DNAH8: variants seen among roughly 807,000 people sequenced by gnomAD.
The protein encoded by DNAH8 is axonemal beta dynein heavy chain 8.
Under a neutral mutation model 562.1 loss-of-function variants are expected in DNAH8, and 382 were observed. The ratio of observed to expected loss-of-function variants is 0.68; its 90% CI spans 0.63 to 0.74. The LOEUF is 0.74. Among genes scored for constraint, DNAH8 ranks in the 30% least tolerant of loss-of-function variants. The pLI is 0.00. For missense variants in DNAH8, 5,203 were observed against 5,620.4 expected (o/e 0.93, Z 2.37); for synonymous variants, 1,881 against 1,919.4 (o/e 0.98, Z 0.52).
Position 38,906,264 on chromosome 6 carries a change from G to A in DNAH8, c.9205G>A (p.Val3069Met), listed in dbSNP as rs1780471525. 3 of 1,589,774 alleles carry A rather than the reference G, an allele frequency of 1.9e-6. No homozygotes were observed. The highest frequency in any genetic ancestry group is 2.3e-5 in the South Asian group (2 of 88,644). ...FQITLTRSYN[V>M]TNLTDDLKAL... ...CATTTTTCTTCTTAGGTCTTACAAT[G>A]TGACTAATCTAACAGATGATTTAAA... Residue 3069 changes from valine (V) to methionine (M), a missense_variant, in exon 63 of 93, where the codon GTG (valine) becomes ATG (methionine). Transcript: ENST00000327475.
intron 1 of DNAH8, among the ~76,000 whole-genome samples, chr6:38,717,029 T>G (rs1762394083): frequency 6.6e-6 from 1 of 152,192 alleles, no homozygotes; most frequent in African/African-American, 2.4e-5. Flanking sequence ...AGATCCCATC[T>G]CTACAGAAAA....
rs763633800 is a variant in DNAH8 at position 38,894,781 on chromosome 6, G to C, written c.8664G>C (p.Leu2888Phe). The change falls in exon 59 of 93, where the codon TTG becomes TTC. Residue 2888 changes from leucine (L) to phenylalanine (F), a missense_variant. Leu to Phe is a conservative substitution (Grantham distance 22). Coordinates refer to ENST00000327475, the MANE Select transcript of DNAH8 (RefSeq NM_001206927.2). ...TTTCCAGAATTTGGCAAGGAATGTT[G>C]ACCATAAAAGCTGAGGAGTGCGCTT... ...RDLSRIWQGM[L>F]TIKAEECASI... 6 of 1,614,010 alleles carry C rather than the reference G, an allele frequency of 3.7e-6. No individual in the cohort carries two copies. Among genetic ancestry groups the C allele is most frequent in the Non-Finnish European group, 5.1e-6 (6 of 1,179,960 alleles).
intron 20 of DNAH8, among the ~76,000 whole-genome samples, chr6:38,790,673 A>G (rs994600487): frequency 6.6e-6 from 1 of 151,948 alleles, no homozygotes; most frequent in Non-Finnish European, 1.5e-5. Context: ...AAATACAAAA[A>G]TTAGCTGGAC....
At position 38,790,417 on chromosome 6, in the gene DNAH8, A is replaced by T. The variant is rs1213046989; in HGVS notation, c.2781+12A>T. Reference sequence around the variant, plus strand: ...AACTTTTAAAGAAGGTATGATCTATACATTTAAAAAGCTATCAACATATAT... The same window carrying T: ...AACTTTTAAAGAAGGTATGATCTATTCATTTAAAAAGCTATCAACATATAT... On this transcript the variant is annotated intron_variant, in intron 20 of 92. Transcript: ENST00000327475. 1 of 1,293,770 alleles carries T rather than the reference A, an allele frequency of 7.7e-7. No homozygotes were observed. The highest frequency in any genetic ancestry group is 1.5e-5 in the African/African-American group (1 of 66,802). 80.1% of individuals were successfully genotyped at this position (1,293,770 alleles called of 1,614,324 possible).
At chr6:38,753,082 C>G (rs77768580) in intron 9 of DNAH8, among the ~76,000 whole-genome samples, 3,411 of 152,118 alleles carry the variant, frequency 0.022, 131 homozygotes, top group African/African-American at 0.077. Context: ...ACACCTCTCT[C>G]CCTTCCTCCC....
intron 4 of DNAH8, among the ~76,000 whole-genome samples, chr6:38,732,800 G>A (rs1763756978): frequency 6.6e-6 from 1 of 152,146 alleles, no homozygotes. Flanking sequence ...GAATCACAGG[G>A]CAGGAGGAAT....
At chr6:38,781,230 T>C in intron 15 of DNAH8, 24 bp from the exon 16 acceptor site, 1 of 1,612,796 alleles carries the variant, frequency 6.2e-7, no homozygotes, top group African/African-American at 1.3e-5. Flanking sequence ...AATTCAAACA[T>C]TAACATCAGA....
chr6:38,757,131 C>T (rs1765992091), intron 10 of DNAH8, among the ~76,000 whole-genome samples: 1 of 151,960 alleles, frequency 6.6e-6, no homozygotes, highest in Non-Finnish European at 1.5e-5. Flanking sequence ...GTTTACAGTC[C>T]CACCAACAGT....
At position 38,729,952 on chromosome 6, in the gene DNAH8, AT is replaced by A; in HGVS notation, c.581del (p.Leu194CysfsTer25). 1.3e-6 allele frequency: 2 copies of A among 1,599,582 alleles called. No homozygotes were observed. Among genetic ancestry groups the A allele is most frequent in the South Asian group, 1.1e-5 (1 of 89,462 alleles). Reference sequence around the variant, plus strand: ...CGAAAGATGGTTGTAAGACACTGAAATTTTTGTACCAAGAAGGAGATGTACC... The same window carrying A: ...CGAAAGATGGTTGTAAGACACTGAAATTTTGTACCAAGAAGGAGATGTACC... ...FAKDGCKTLK[F>X]LYQEGDVPGI... is the part of the protein sequence containing the mutation. On this transcript the variant is annotated frameshift_variant, in exon 4 of 93. Transcript: ENST00000327475. LOFTEE classifies it high-confidence loss of function.
intron 82 of DNAH8, among the ~76,000 whole-genome samples, chr6:38,963,253 CTTTTTTTTTTTTT>C (rs57083753): frequency 8.8e-5 from 9 of 102,612 alleles, no homozygotes; most frequent in South Asian, 3.7e-4. Context: ...AGTCCTTTTT[CTTTTTTTTTTTTT>C]TTTTTTTTTT....
chr6:38,868,180 T>C lies in DNAH8; in HGVS notation c.6812T>C (p.Met2271Thr). 1.2e-6 allele frequency: 2 copies of C among 1,608,734 alleles called. No individual in the cohort carries two copies. The highest frequency in any genetic ancestry group is 8.5e-7 in the Non-Finnish European group (1 of 1,178,708). ...ATTGTCATGAGAGGACTAAGAGATATGAACCTTTCCAAACTGGTATCTTCT... is the reference window on the plus strand; with the variant it reads ...ATTGTCATGAGAGGACTAAGAGATACGAACCTTTCCAAACTGGTATCTTCT... The part of the protein sequence containing the change: ...LSIVMRGLRD[M>T]NLSKLVDEDE... Residue 2271 changes from methionine to threonine, a missense_variant, in exon 48 of 93, where the codon ATG (methionine) becomes ACG (threonine). Met to Thr is a moderately conservative substitution (Grantham distance 81). This residue lies in a region of DNAH8 where 2,176 missense variants were observed against 2,365.1 expected (regional missense o/e 0.92). Transcript: ENST00000327475.
Position 38,761,736 on chromosome 6 carries a change from A to G in DNAH8, c.1550A>G (p.Tyr517Cys), listed in dbSNP as rs778247413. 5.1e-6 allele frequency: 8 copies of G among 1,564,168 alleles called. No individual in the cohort carries two copies. The South Asian group carries it at 8.3e-5, about 16-fold the overall frequency. Residue 517 changes from tyrosine to cysteine, a missense_variant, in exon 11 of 93, where the codon TAT becomes TGT. Coordinates refer to ENST00000327475, the MANE Select transcript of DNAH8 (RefSeq NM_001206927.2). Reference sequence around the variant, plus strand: ...CAAATGGTAACAGCATGTAAAGCATATATTACTGATGGAGGATTAAACCAT... The same window carrying G: ...CAAATGGTAACAGCATGTAAAGCATGTATTACTGATGGAGGATTAAACCAT... The part of the protein sequence containing the change: ...TNQMVTACKA[Y>C]ITDGGLNHVW...
Position 38,789,832 on chromosome 6 carries a change from T to C in DNAH8, c.2613T>C (p.Cys871=), listed in dbSNP as rs1769532349. The C allele has an allele frequency of 6.2e-7, 1 of 1,613,166 alleles. No individual in the cohort carries two copies. The highest frequency in any genetic ancestry group is 1.3e-5 in the African/African-American group (1 of 74,912). ...QGLLQYYDEL[C]QEVPSVFVNL... Reference sequence around the variant, plus strand: ...TTCTGCAATATTATGATGAGTTATGTCAGGAAGTGCCTTCTGTGTTTGTCA... The same window carrying C: ...TTCTGCAATATTATGATGAGTTATGCCAGGAAGTGCCTTCTGTGTTTGTCA... Residue 871 remains cysteine (C), a synonymous_variant, in exon 19 of 93, where the codon TGT becomes TGC. Coordinates refer to ENST00000327475, the MANE Select transcript of DNAH8 (RefSeq NM_001206927.2).
rs573093949 is a variant in DNAH8, at chr6:38,879,378, A to G, written c.7859-3532A>G. On this transcript the variant is annotated intron_variant, in intron 53 of 92. Coordinates refer to ENST00000327475, the MANE Select transcript of DNAH8 (RefSeq NM_001206927.2). ...TCTTAATAAAATTATAACAAATCCAATAGTATACAAAAGTCCAACTGTGGC... is the reference window on the plus strand; with the variant it reads ...TCTTAATAAAATTATAACAAATCCAGTAGTATACAAAAGTCCAACTGTGGC... Among the ~76,000 whole-genome samples the G allele has an allele frequency of 2.0e-5, 3 of 152,310 alleles. No individual in the cohort carries two copies. The East Asian group carries it at 5.8e-4, about 29-fold the overall frequency.
At chr6:38,862,618 G>T (rs958072455) in intron 44 of DNAH8, among the ~76,000 whole-genome samples, 160 bp downstream of exon 44, 1 of 152,112 alleles carries the variant, frequency 6.6e-6, no homozygotes, top group Admixed American at 6.5e-5. Flanking sequence ...AAAAATGGCT[G>T]GATATCAACA....
rs764067181 is a variant in DNAH8, at chr6:38,851,531, A to G, written c.5364-41A>G. On this transcript the variant is annotated intron_variant, in intron 38 of 92. Transcript: ENST00000327475. ...ACTAAAAAAATAATAATTTAGGGGA[A>G]AAAAAACCACTTGGTAACATACTGT... is the stretch of plus-strand genomic sequence containing the variant. 2.2e-6 allele frequency: 3 copies of G among 1,353,224 alleles called. No individual in the cohort carries two copies. In the South Asian group the frequency reaches 3.9e-5, roughly 17 times the overall value. The allele number at this position is 1,353,224 out of a possible 1,614,324, so 83.8% of individuals were successfully genotyped here. A position where few individuals can be genotyped will look rare whatever the true frequency, so the allele number is the denominator to read the frequency against.
chr6:38,853,123 T>A, intron 40 of DNAH8, 63 bp from the exon 41 acceptor site: 1 of 1,285,194 alleles, frequency 7.8e-7, no homozygotes, highest in Admixed American at 2.0e-5. Flanking sequence ...TAAGTGTGCA[T>A]GGAACGTCTG....
chr6:38,761,795 A>G lies in DNAH8; in HGVS notation c.1609A>G (p.Lys537Glu), dbSNP rs1398592956. The change falls in exon 11 of 93, where the codon AAA (lysine) becomes GAA (glutamate). Residue 537 changes from lysine to glutamate, a missense_variant. Lys to Glu is a moderately conservative substitution (Grantham distance 56). Coordinates refer to ENST00000327475, the MANE Select transcript of DNAH8 (RefSeq NM_001206927.2). ...TCAGGAAACGCCAGTTGTACTAAAG[A>G]AAATTCAGGTTTGTAGAAGTACTTT... ...WDQETPVVLK[K>E]IQDCIFLFKE... The G allele has an allele frequency of 6.5e-7, 1 of 1,545,348 alleles. No homozygotes were observed. Among genetic ancestry groups the G allele is most frequent in the African/African-American group, 1.4e-5 (1 of 70,644 alleles).
intron 53 of DNAH8, among the ~76,000 whole-genome samples, chr6:38,880,392 A>G (rs1315362047): frequency 3.3e-5 from 5 of 152,170 alleles, no homozygotes; most frequent in South Asian, 4.1e-4. Flanking sequence ...GATCTTATTT[A>G]AACATTATTT....
Sources: allele counts gnomAD v4.1 joint callset (sites outside exome capture counted in the v4.1 genomes callset), GRCh38; gene constraint gnomAD v4.1.1; regional missense constraint gnomAD v4.1.1; transcripts MANE v1.5; gene names NCBI Gene and HGNC (gene_info 2026-07-23, HGNC 2026-07-21).